PTPRG: variants seen among roughly 807,000 people sequenced by gnomAD.
PTPRG encodes the protein protein tyrosine phosphatase receptor type G, also known as receptor-type tyrosine-protein phosphatase gamma.
PTPRG carries 102 observed loss-of-function variants against 165.3 expected under a neutral mutation model. The ratio of observed to expected loss-of-function variants is 0.62; its 90% CI spans 0.53 to 0.73. The LOEUF (loss-of-function observed/expected upper bound fraction) is 0.73, where lower values mean the gene tolerates loss of function less well. Ranked by LOEUF, PTPRG falls within the 30% of genes least tolerant of loss-of-function variation. The probability of loss-of-function intolerance (pLI) is 0.00; values close to 1 mark genes in which losing one functional copy is unlikely to be tolerated. For missense variants in PTPRG, 1,866 were observed against 1,861.4 expected, an observed-to-expected ratio of 1.00 and a Z score of -0.05; for synonymous variants, 675 against 669.5, an observed-to-expected ratio of 1.01 and a Z score of -0.13.
chr3:62,267,636 C>A, intron 18 of PTPRG, 49 bp from the exon 19 acceptor site: 1 of 1,593,362 alleles, frequency 6.3e-7, no homozygotes. Context: ...ATTGACTGGT[C>A]TTCTGTGATA....
intron 2 of PTPRG, among the ~76,000 whole-genome samples, chr3:61,964,799 G>A (rs554750213): frequency 6.6e-6 from 1 of 151,954 alleles, no homozygotes; most frequent in East Asian, 1.9e-4. Flanking sequence ...ATGAGTCGCT[G>A]GGTAGTTCCA....
intron 25 of PTPRG, among the ~76,000 whole-genome samples, chr3:62,277,307 G>T (rs918558022): frequency 4.6e-5 from 7 of 152,122 alleles, no homozygotes; most frequent in African/African-American, 1.7e-4. Flanking sequence ...TTGAATAAAT[G>T]TTGAAATTTC....
rs141337089 is a variant in PTPRG, at chr3:61,925,032, C to G, written c.191-64593C>G. 2.5e-3 allele frequency among the ~76,000 whole-genome samples: 382 copies of G among 152,178 alleles called. 4 individuals are homozygous for G. Among genetic ancestry groups the G allele is most frequent in the African/African-American group, 8.7e-3 (363 of 41,508 alleles). On this transcript the variant is annotated intron_variant, in intron 2 of 29. Transcript: ENST00000474889. ...AAGAACCCCACAGAACACACTGGTCCCCTGATTTTGGACTTCCTAGCCTCC... is the reference window on the plus strand; with the variant it reads ...AAGAACCCCACAGAACACACTGGTCGCCTGATTTTGGACTTCCTAGCCTCC...
At chr3:62,272,925 G>T in intron 21 of PTPRG, 21 bp from the exon 22 acceptor site, 2 of 1,565,572 alleles carry the variant, frequency 1.3e-6, no homozygotes, top group Non-Finnish European at 1.7e-6. Context: ...AGTGCCAGTT[G>T]AGTGTCTTCA....
rs182962900 is a variant in PTPRG at position 61,609,588 on chromosome 3, G to A, written c.85+47216G>A. On this transcript the variant is annotated intron_variant, in intron 1 of 29. Coordinates refer to ENST00000474889, the MANE Select transcript of PTPRG (RefSeq NM_002841.4). ...AATAAGAAATAAGACTGGGTGTGGTGGCTCATGCCTGTAATCCTTGCACTT... is the reference window on the plus strand; with the variant it reads ...AATAAGAAATAAGACTGGGTGTGGTAGCTCATGCCTGTAATCCTTGCACTT... 8.5e-5 allele frequency among the ~76,000 whole-genome samples: 13 copies of A among 152,258 alleles called. No individual in the cohort carries two copies. The East Asian group carries it at 2.3e-3, about 27-fold the overall frequency.
intron 2 of PTPRG, among the ~76,000 whole-genome samples, chr3:61,854,186 A>G (rs1036025537): frequency 1.7e-4 from 26 of 152,176 alleles, no homozygotes; most frequent in African/African-American, 6.3e-4. Context: ...TGCACAACAG[A>G]TGTACCCCCT....
At chr3:61,908,554 G>T (rs62243231) in intron 2 of PTPRG, among the ~76,000 whole-genome samples, 1 of 152,152 alleles carries the variant, frequency 6.6e-6, no homozygotes, top group East Asian at 1.9e-4. Context: ...AGTAATTTAG[G>T]ATCAACAGTT....
Position 62,214,568 on chromosome 3 carries a change from C to A in PTPRG, c.2156-4283C>A, listed in dbSNP as rs1700451433. Among the ~76,000 whole-genome samples the A allele has an allele frequency of 6.6e-6, 1 of 152,162 alleles. No individual in the cohort carries two copies. The highest frequency in any genetic ancestry group is 1.9e-4 in the East Asian group (1 of 5,186). On this transcript the variant is annotated intron_variant, in intron 12 of 29. Transcript: ENST00000474889. The surrounding 1 kb of genome is among the most constrained non-coding windows in gnomAD (Gnocchi z 5.2). ...AGCTTTGTAACTGTTCTTCCATACA[C>A]AGACGGAAATCAGCCCTGCCTTTGG...
intron 13 of PTPRG, among the ~76,000 whole-genome samples, chr3:62,223,491 TGGG>T (rs56937376): frequency 1.3e-5 from 2 of 152,070 alleles, no homozygotes; most frequent in African/African-American, 2.4e-5. Flanking sequence ...ACTGGGCAAT[TGGG>T]GGGGCGGAGT....
At chr3:62,060,560 T>C (rs1357272312) in intron 4 of PTPRG, among the ~76,000 whole-genome samples, 1 of 152,242 alleles carries the variant, frequency 6.6e-6, no homozygotes, top group East Asian at 1.9e-4. Flanking sequence ...CTATGCACTG[T>C]TCTGTCTGTA....
At chr3:61,933,805 C>T (rs950096213) in intron 2 of PTPRG, among the ~76,000 whole-genome samples, 2 of 152,178 alleles carry the variant, frequency 1.3e-5, no homozygotes, top group Admixed American at 1.3e-4. Flanking sequence ...TCTGCCTTGT[C>T]TCCTCAATGA....
At chr3:62,279,065 T>C (rs532793716) in intron 26 of PTPRG, among the ~76,000 whole-genome samples, 1 of 152,168 alleles carries the variant, frequency 6.6e-6, no homozygotes, top group African/African-American at 2.4e-5. Flanking sequence ...ATTAGAATCA[T>C]ATACAACTGA....
intron 1 of PTPRG, among the ~76,000 whole-genome samples, chr3:61,654,864 C>A (rs974064104): frequency 2.0e-5 from 3 of 150,960 alleles, no homozygotes; most frequent in Non-Finnish European, 1.5e-5. Context: ...TCACTGCAAC[C>A]TCTGCCTCCC....
At chr3:62,029,211 A>T (rs1699683008) in intron 4 of PTPRG, among the ~76,000 whole-genome samples, 1 of 152,110 alleles carries the variant, frequency 6.6e-6, no homozygotes, top group Non-Finnish European at 1.5e-5. Flanking sequence ...GTCTTGCAAG[A>T]ATTCTATGTG....
Position 62,252,796 on chromosome 3 carries a change from G to A in PTPRG, c.2468-2328G>A, listed in dbSNP as rs553350056. On this transcript the variant is annotated intron_variant, in intron 15 of 29. Transcript: ENST00000474889. The surrounding 1 kb of genome is among the most constrained non-coding windows in gnomAD (Gnocchi z 4.6). Reference sequence around the variant, plus strand: ...CCTCAGCTATTTATCTTGATTGCAGGGCAAATGCTGTATTATCTGGGTAGC... The same window carrying A: ...CCTCAGCTATTTATCTTGATTGCAGAGCAAATGCTGTATTATCTGGGTAGC... Among the ~76,000 whole-genome samples, 1 of 152,138 alleles carries A rather than the reference G, an allele frequency of 6.6e-6. No homozygotes were observed. Among genetic ancestry groups the A allele is most frequent in the Admixed American group, 6.5e-5 (1 of 15,274 alleles).
At chr3:62,165,701 C>T (rs1324256284) in intron 7 of PTPRG, among the ~76,000 whole-genome samples, 4 of 152,090 alleles carry the variant, frequency 2.6e-5, no homozygotes, top group Non-Finnish European at 5.9e-5. Flanking sequence ...GAAAAAATTC[C>T]ATGGTTTATT....
chr3:62,034,403 C>T (rs548469697), intron 4 of PTPRG, among the ~76,000 whole-genome samples: 1 of 152,278 alleles, frequency 6.6e-6, no homozygotes, highest in South Asian at 2.1e-4. Flanking sequence ...GTGAGGCTAC[C>T]AGCCTTGGGT....
At chr3:61,634,495 C>T (rs756540387) in intron 1 of PTPRG, among the ~76,000 whole-genome samples, 5 of 151,918 alleles carry the variant, frequency 3.3e-5, no homozygotes, top group South Asian at 2.1e-4. Context: ...CTTTGACCTC[C>T]GAAAGTGTTG....
rs1484559554 is a variant in PTPRG, at chr3:61,984,859, GTGTTTGTCAATTATATAGAA to G, written c.191-4741_191-4722del. ...CTCATGACCTTGACACTTTTGAGGA[GTGTTTGTCAATTATATAGAA>G]TGTTTGTCAATTATATAGAATGTTC... On this transcript the variant is annotated intron_variant, in intron 2 of 29. Transcript: ENST00000474889. 1.2e-4 allele frequency among the ~76,000 whole-genome samples: 18 copies of G among 152,334 alleles called. No individual in the cohort carries two copies. In the South Asian group the frequency reaches 1.7e-3, roughly 14 times the overall value.
Sources: allele counts gnomAD v4.1 joint callset (sites outside exome capture counted in the v4.1 genomes callset), GRCh38; gene constraint gnomAD v4.1.1; non-coding constraint Gnocchi (gnomAD v3.1); transcripts MANE v1.5; gene names NCBI Gene and HGNC (gene_info 2026-07-23, HGNC 2026-07-21).